The following PRIMA1 variants were observed in gnomAD, a reference collection of about 807,000 sequenced individuals.
The protein encoded by PRIMA1 is proline-rich membrane anchor 1.
A neutral mutation model predicts 17.5 loss-of-function variants in PRIMA1; 7 were observed. The observed-to-expected ratio is 0.40, with a 90% CI of 0.23 to 0.75. The LOEUF (loss-of-function observed/expected upper bound fraction) is 0.75. Among genes scored for constraint, PRIMA1 ranks in the 30% least tolerant of loss-of-function variants. PRIMA1 has a pLI of 0.37. For missense variants in PRIMA1, 200 were observed against 201.8 expected, an observed-to-expected ratio of 0.99 and a Z score of 0.05; for synonymous variants, 97 against 77.9, an observed-to-expected ratio of 1.25 and a Z score of -1.29.
rs2076073946 is a variant in PRIMA1, at chr14:93,726,118, T to G, written c.360-4572A>C. ...GACTTCTTGTCCCCTGCCCTGGGCTTGGAGGGCAGCAGGCTCCCACATTCC... is the reference window on the plus strand; with the variant it reads ...GACTTCTTGTCCCCTGCCCTGGGCTGGGAGGGCAGCAGGCTCCCACATTCC... On this transcript the variant is annotated intron_variant, in intron 4 of 4. Coordinates refer to ENST00000393140, the MANE Select transcript of PRIMA1 (RefSeq NM_178013.4). This position sits in a 1 kb window ranked among gnomAD's most constrained non-coding sequence, Gnocchi z 4.2. The G allele has an allele frequency of 2.2e-6, 1 of 452,866 alleles. No individual in the cohort carries two copies. The highest frequency in any genetic ancestry group is 2.0e-5 in the African/African-American group (1 of 49,980). 28.1% of individuals were successfully genotyped at this position (452,866 alleles called of 1,614,324 possible).
intron 3 of PRIMA1, among the ~76,000 whole-genome samples, chr14:93,760,442 G>T (rs2141179448): frequency 6.6e-6 from 1 of 151,998 alleles, no homozygotes; most frequent in East Asian, 1.9e-4. Flanking sequence ...TCTACCTGGA[G>T]CATCTCCTCC....
intron 3 of PRIMA1, among the ~76,000 whole-genome samples, chr14:93,753,023 G>A (rs557885772): frequency 6.6e-6 from 1 of 152,158 alleles, no homozygotes; most frequent in African/African-American, 2.4e-5. Context: ...CCCCAGCTGC[G>A]ATGACCAGAT....
At chr14:93,748,157 T>C (rs1471522679) in intron 3 of PRIMA1, among the ~76,000 whole-genome samples, 5 of 152,074 alleles carry the variant, frequency 3.3e-5, no homozygotes, top group South Asian at 2.1e-4. Flanking sequence ...TGAGTGCTGA[T>C]GGCTGTGGCC....
intron 4 of PRIMA1, 56 bp downstream of exon 4, chr14:93,737,185 A>G: frequency 6.3e-7 from 1 of 1,597,876 alleles, no homozygotes; most frequent in Non-Finnish European, 8.6e-7. Context: ...TAGGAGCCCC[A>G]AGCCCAGCTG....
intron 3 of PRIMA1, among the ~76,000 whole-genome samples, chr14:93,771,661 C>T (rs1046923222): frequency 7.2e-5 from 11 of 152,126 alleles, no homozygotes; most frequent in East Asian, 3.9e-4. Flanking sequence ...GTTCTGCAGC[C>T]GTAAATGACC....
chr14:93,746,924 C>T (rs1236017037), intron 3 of PRIMA1, among the ~76,000 whole-genome samples: 1 of 152,084 alleles, frequency 6.6e-6, no homozygotes, highest in Non-Finnish European at 1.5e-5. Context: ...TTACTGGGTC[C>T]GTGCAGCTTT....
chr14:93,780,775 C>A (rs1388073376), intron 2 of PRIMA1, among the ~76,000 whole-genome samples: 2 of 152,230 alleles, frequency 1.3e-5, no homozygotes, highest in African/African-American at 4.8e-5. Context: ...CCTCACTATA[C>A]AGAGTGCCAT....
intron 4 of PRIMA1, among the ~76,000 whole-genome samples, chr14:93,723,661 C>T (rs2076057231): frequency 6.6e-6 from 1 of 152,192 alleles, no homozygotes; most frequent in African/African-American, 2.4e-5. Flanking sequence ...ATTCCTCCCA[C>T]AGTGCATCAT....
At chr14:93,740,869 T>G (rs2076180196) in intron 3 of PRIMA1, among the ~76,000 whole-genome samples, 1 of 152,236 alleles carries the variant, frequency 6.6e-6, no homozygotes, top group Admixed American at 6.5e-5. Context: ...ACTTGATTGA[T>G]TATAAGCCTC....
At chr14:93,732,896 C>A (rs1357480763) in intron 4 of PRIMA1, among the ~76,000 whole-genome samples, 1 of 152,202 alleles carries the variant, frequency 6.6e-6, no homozygotes, top group Admixed American at 6.5e-5. Context: ...TTTAACAAAT[C>A]AGGCTGTCCT....
intron 3 of PRIMA1, among the ~76,000 whole-genome samples, chr14:93,761,486 T>G (rs1344755698): frequency 6.6e-6 from 1 of 152,198 alleles, no homozygotes; most frequent in African/African-American, 2.4e-5. Context: ...CTGTGTGACC[T>G]TCTCTGGGTT....
chr14:93,783,105 A>T (rs956616880), intron 2 of PRIMA1, among the ~76,000 whole-genome samples: 11 of 152,152 alleles, frequency 7.2e-5, no homozygotes, highest in African/African-American at 2.4e-4. Context: ...TCTGTCTGGG[A>T]CATTTCCATG....
intron 2 of PRIMA1, 81 bp from the exon 3 acceptor site, chr14:93,779,392 G>A (rs1373266115): frequency 1.8e-5 from 22 of 1,231,674 alleles, no homozygotes; most frequent in East Asian, 1.1e-4. Context: ...AGGCCACCCC[G>A]TCCCCTGCCA....
chr14:93,730,400 A>T (rs571304156), intron 4 of PRIMA1, among the ~76,000 whole-genome samples: 154 of 152,318 alleles, frequency 1.0e-3, no homozygotes, highest in Non-Finnish European at 1.2e-3. Flanking sequence ...GTGGCATTTG[A>T]GTTGGGTCTC....
chr14:93,739,788 C>G (rs1464661374), intron 3 of PRIMA1, among the ~76,000 whole-genome samples: 1 of 151,982 alleles, frequency 6.6e-6, no homozygotes, highest in African/African-American at 2.4e-5. Flanking sequence ...AGAAATTCTT[C>G]CTGATGGTGG....
upstream of PRIMA1, among the ~76,000 whole-genome samples, chr14:93,788,690 C>T (rs1049173321): frequency 2.6e-5 from 4 of 152,166 alleles, no homozygotes; most frequent in South Asian, 4.1e-4. Flanking sequence ...GCGGCGTCCT[C>T]GCACGGGGCG....
intron 3 of PRIMA1, among the ~76,000 whole-genome samples, chr14:93,756,577 T>C (rs1275175382): frequency 2.0e-5 from 3 of 149,214 alleles, no homozygotes; most frequent in African/African-American, 7.4e-5. Context: ...TCCCCACAAA[T>C]TGATCAGTCC....
chr14:93,769,310 G>C (rs995907055), intron 3 of PRIMA1, among the ~76,000 whole-genome samples: 1 of 152,238 alleles, frequency 6.6e-6, no homozygotes, highest in African/African-American at 2.4e-5. Context: ...CCACTTTGGA[G>C]GACGGGAAAA....
intron 3 of PRIMA1, among the ~76,000 whole-genome samples, chr14:93,759,079 G>A (rs1360258524): frequency 3.3e-5 from 5 of 152,306 alleles, no homozygotes; most frequent in Non-Finnish European, 5.9e-5. Context: ...CGCTTTCCAT[G>A]ATAGCAACGG....
Sources: gnomAD v4.1 joint callset for allele counts (sites outside exome capture counted in the v4.1 genomes callset) on GRCh38, gnomAD v4.1.1 for gene constraint, Gnocchi (gnomAD v3.1) non-coding constraint, MANE v1.5 for transcripts, NCBI Gene and HGNC (gene_info 2026-07-23, HGNC 2026-07-21) for gene names.